The following RBPJ variants were observed in gnomAD, a reference collection of about 807,000 sequenced individuals.
RBPJ encodes recombination signal binding protein for immunoglobulin kappa J region, also known as recombining binding protein suppressor of hairless.
A neutral mutation model predicts 67.8 loss-of-function variants in RBPJ; 9 were observed. That is an observed-to-expected ratio of 0.13 (90% CI 0.08 to 0.23). RBPJ has a LOEUF of 0.23. Ranked by LOEUF, RBPJ falls within the 10% of genes least tolerant of loss-of-function variation. The pLI is 1.00. For missense variants in RBPJ, 305 were observed against 595.6 expected (o/e 0.51, Z 5.08); for synonymous variants, 198 against 203.3 (o/e 0.97, Z 0.22).
At chr4:26,420,338 T>A (rs1735004382) in intron 4 of RBPJ, among the ~76,000 whole-genome samples, 1 of 152,182 alleles carries the variant, frequency 6.6e-6, no homozygotes, top group Admixed American at 6.5e-5. Context: ...TAGATGACAA[T>A]GTTTGTGTTC....
At chr4:26,270,440 GAAA>G in intron 1 of RBPJ, among the ~76,000 whole-genome samples, 38 of 95,468 alleles carry the variant, frequency 4.0e-4, no homozygotes, top group Non-Finnish European at 5.1e-4. Flanking sequence ...AAAGAAAGAA[GAAA>G]GAAAGAAAGA....
At chr4:26,134,811 G>A in the RBPJ span, among the ~76,000 whole-genome samples, 1 of 152,172 alleles carries the variant, frequency 6.6e-6, no homozygotes, top group South Asian at 2.1e-4. Flanking sequence ...TGTGCTGTGA[G>A]GAAATGGCTG....
intron 1 of RBPJ, among the ~76,000 whole-genome samples, chr4:26,257,267 T>C (rs1720371080): frequency 6.6e-6 from 1 of 152,240 alleles, no homozygotes; most frequent in Admixed American, 6.5e-5. Flanking sequence ...ATCTAGCAAG[T>C]TATTGAATCC....
chr4:26,116,396 C>T, the RBPJ span, among the ~76,000 whole-genome samples: 1 of 152,236 alleles, frequency 6.6e-6, no homozygotes, highest in Non-Finnish European at 1.5e-5. Flanking sequence ...AGCCAAATCT[C>T]TCAAGGAGTA....
rs115373994 is a variant in RBPJ at position 26,342,397 on chromosome 4, T to G, written c.20+21349T>G. Among the ~76,000 whole-genome samples the G allele has an allele frequency of 2.6e-3, 401 of 152,280 alleles. 4 individuals carry two copies. The highest frequency in any genetic ancestry group is 0.014 in the South Asian group (66 of 4,822). On this transcript the variant is annotated intron_variant, in intron 1 of 10. Transcript: ENST00000355476. ...CAGAAACTTAACCAAGTTTACCTGCTAGTTGGTGGGAGAAATGGAATTCAA... is the reference window on the plus strand; with the variant it reads ...CAGAAACTTAACCAAGTTTACCTGCGAGTTGGTGGGAGAAATGGAATTCAA...
chr4:26,379,723 A>G (rs1020026079), intron 1 of RBPJ, among the ~76,000 whole-genome samples: 1 of 152,084 alleles, frequency 6.6e-6, no homozygotes, highest in East Asian at 1.9e-4. Context: ...AACCGTATCA[A>G]CCACCACACC....
At chr4:26,105,993 A>T in the RBPJ span, among the ~76,000 whole-genome samples, 2 of 152,204 alleles carry the variant, frequency 1.3e-5, no homozygotes, top group Admixed American at 6.5e-5. Context: ...AAGTTGGAAG[A>T]GGCTATGATG....
intron 1 of RBPJ, among the ~76,000 whole-genome samples, chr4:26,190,900 C>G (rs1210975156): frequency 6.6e-6 from 1 of 151,676 alleles, no homozygotes; most frequent in African/African-American, 2.4e-5. Flanking sequence ...AATCCCAGCA[C>G]TTTGGGAGGC....
At chr4:26,370,760 G>A (rs1430389188) in intron 1 of RBPJ, among the ~76,000 whole-genome samples, 3 of 152,126 alleles carry the variant, frequency 2.0e-5, no homozygotes, top group African/African-American at 7.2e-5. Context: ...TGGTAAAATA[G>A]TTCCCTTTTC....
At chr4:26,317,239 G>A (rs1156737419), upstream of RBPJ, among the ~76,000 whole-genome samples, 1 of 151,930 alleles carries the variant, frequency 6.6e-6, no homozygotes, top group Non-Finnish European at 1.5e-5. Flanking sequence ...CTCTTGGGAA[G>A]GGTGTCAGGG....
At chr4:26,358,908 TAA>T (rs1727708127) in intron 1 of RBPJ, among the ~76,000 whole-genome samples, 1 of 152,208 alleles carries the variant, frequency 6.6e-6, no homozygotes, top group South Asian at 2.1e-4. Context: ...TTACATGTAT[TAA>T]GTCTTTTCCC....
chr4:26,329,856 T>C (rs1724046288), intron 1 of RBPJ, among the ~76,000 whole-genome samples: 2 of 150,930 alleles, frequency 1.3e-5, no homozygotes, highest in Non-Finnish European at 2.9e-5. Context: ...ATCACGCCAC[T>C]GCACTCCAGC....
At chr4:26,287,708 A>C (rs1448458743) in intron 1 of RBPJ, among the ~76,000 whole-genome samples, 3 of 92,192 alleles carry the variant, frequency 3.3e-5, no homozygotes, top group African/African-American at 1.2e-4. Flanking sequence ...AAGAAAAGAA[A>C]GAGAAAGAAA....
the RBPJ span, among the ~76,000 whole-genome samples, chr4:26,115,726 G>T: frequency 6.6e-6 from 1 of 152,138 alleles, no homozygotes; most frequent in Non-Finnish European, 1.5e-5. Context: ...CTGACTGTTT[G>T]CTGGCACATG....
chr4:26,233,855 T>C (rs1054958525), intron 1 of RBPJ, among the ~76,000 whole-genome samples: 1 of 152,226 alleles, frequency 6.6e-6, no homozygotes. Context: ...GTTCTGTTCT[T>C]ATGAATTCAA....
At chr4:26,300,014 A>C (rs1402568478) in intron 1 of RBPJ, among the ~76,000 whole-genome samples, 1 of 152,126 alleles carries the variant, frequency 6.6e-6, no homozygotes, top group Non-Finnish European at 1.5e-5. Flanking sequence ...AAACCTCTTA[A>C]TGAAGAAGCA....
Position 26,434,919 on chromosome 4 carries a change from TAA to T in RBPJ, c.*3915_*3916del, listed in dbSNP as rs1255258223. 1 of 152,274 alleles carries T rather than the reference TAA, an allele frequency of 6.6e-6. No homozygotes were observed. Among genetic ancestry groups the T allele is most frequent in the Non-Finnish European group, 1.5e-5 (1 of 68,048 alleles). 9.4% of individuals were successfully genotyped at this position (152,274 alleles called of 1,614,324 possible). A position where few individuals can be genotyped will look rare whatever the true frequency, so the allele number is the denominator to read the frequency against. On this transcript the variant is annotated 3_prime_UTR_variant, in exon 11 of 11. Transcript: ENST00000355476. Reference sequence around the variant, plus strand: ...AATAAAAAGGAAATGTAAACCATTGTAAAAGTCTTCTGTCGAATGTGCCTGAT... The same window carrying T: ...AATAAAAAGGAAATGTAAACCATTGTAAGTCTTCTGTCGAATGTGCCTGAT...
the RBPJ span, among the ~76,000 whole-genome samples, chr4:26,124,185 C>G: frequency 6.6e-6 from 1 of 151,592 alleles, no homozygotes; most frequent in African/African-American, 2.4e-5. Flanking sequence ...TATTTGTAGT[C>G]TTTTATACCT....
chr4:26,398,114 A>T lies in RBPJ; in HGVS notation c.60-8061A>T, dbSNP rs141862540. Among the ~76,000 whole-genome samples the T allele has an allele frequency of 6.0e-3, 908 of 152,198 alleles. 12 individuals carry two copies. The highest frequency in any genetic ancestry group is 0.021 in the African/African-American group (868 of 41,510). ...TGTGTGATTACTTTGAAAATTCTTG[A>T]TACAACAAAAATAAGTTTCTTCATT... On this transcript the variant is annotated intron_variant, in intron 2 of 10. Transcript: ENST00000355476.
Sources: gnomAD v4.1 joint callset for allele counts (sites outside exome capture counted in the v4.1 genomes callset) on GRCh38, gnomAD v4.1.1 for gene constraint, MANE v1.5 for transcripts, NCBI Gene and HGNC (gene_info 2026-07-23, HGNC 2026-07-21) for gene names.